MCC: variants seen among roughly 807,000 people sequenced by gnomAD.
MCC encodes MCC regulator of Wnt signaling pathway, also known as colorectal mutant cancer protein.
In MCC, 90 loss-of-function variants were observed where a neutral mutation model predicts 116.2. That is an observed-to-expected ratio of 0.77 (90% CI 0.65 to 0.92). The LOEUF is 0.92. Among genes scored for constraint, MCC ranks in the 40% least tolerant of loss-of-function variants. The probability of loss-of-function intolerance (pLI) is 0.00; values close to 1 mark genes in which losing one functional copy is unlikely to be tolerated. For synonymous variants in MCC, 578 were observed against 510.5 expected, an observed-to-expected ratio of 1.13 and a Z score of -1.78; for missense variants, 1,516 against 1,312.2, an observed-to-expected ratio of 1.16 and a Z score of -2.40.
At chr5:113,417,069 A>AAGT (rs1170628109) in intron 1 of MCC, among the ~76,000 whole-genome samples, 1 of 149,082 alleles carries the variant, frequency 6.7e-6, no homozygotes, top group Non-Finnish European at 1.5e-5. Context: ...TCCCAGGTTC[A>AAGT]AGTGATTCCC....
intron 1 of MCC, among the ~76,000 whole-genome samples, chr5:113,402,829 A>G (rs1450387558): frequency 2.6e-5 from 4 of 152,074 alleles, no homozygotes; most frequent in Non-Finnish European, 5.9e-5. Flanking sequence ...TTACATGAAG[A>G]TATCGTCCAG....
At chr5:113,452,104 T>C (rs1017684333) in intron 1 of MCC, among the ~76,000 whole-genome samples, 3 of 152,198 alleles carry the variant, frequency 2.0e-5, no homozygotes, top group African/African-American at 7.2e-5. Context: ...AGACTTAATA[T>C]GACTGGGGCT....
chr5:113,213,686 A>G (rs1470094755), intron 3 of MCC, among the ~76,000 whole-genome samples: 1 of 152,194 alleles, frequency 6.6e-6, no homozygotes, highest in Non-Finnish European at 1.5e-5. Flanking sequence ...TGGTGGGCAC[A>G]GTAGCTCTAC....
At chr5:113,046,753 C>T (rs1042627847) in intron 16 of MCC, among the ~76,000 whole-genome samples, 4 of 146,350 alleles carry the variant, frequency 2.7e-5, no homozygotes, top group Non-Finnish European at 6.0e-5. Flanking sequence ...CTCATCTTCC[C>T]GAGCCCCAGA....
intron 3 of MCC, among the ~76,000 whole-genome samples, chr5:113,179,800 G>T (rs2150308338): frequency 6.6e-6 from 1 of 152,272 alleles, no homozygotes; most frequent in East Asian, 1.9e-4. Context: ...TTAGAGCCAA[G>T]GCCTGCCGTG....
intron 17 of MCC, among the ~76,000 whole-genome samples, chr5:113,037,920 C>T (rs1415716572): frequency 1.3e-5 from 2 of 152,164 alleles, no homozygotes; most frequent in African/African-American, 2.4e-5. Flanking sequence ...TAGGGACCTA[C>T]GGACAATCTT....
chr5:113,086,488 T>C (rs1755209242), intron 8 of MCC, among the ~76,000 whole-genome samples: 1 of 152,186 alleles, frequency 6.6e-6, no homozygotes. Context: ...GAATAGTAGG[T>C]AGGAACGTCT....
intron 3 of MCC, among the ~76,000 whole-genome samples, chr5:113,189,901 CAGG>C (rs1156578724): frequency 1.3e-5 from 2 of 152,164 alleles, no homozygotes; most frequent in Non-Finnish European, 2.9e-5. Flanking sequence ...AACATTCCTG[CAGG>C]AGAAGATCCA....
intron 2 of MCC, among the ~76,000 whole-genome samples, chr5:113,380,460 C>A (rs1769089830): frequency 6.6e-6 from 1 of 152,228 alleles, no homozygotes; most frequent in South Asian, 2.1e-4. Context: ...CTGTGCACTG[C>A]ACTTCCCTGT....
chr5:113,306,718 T>A (rs1419249177), intron 3 of MCC, among the ~76,000 whole-genome samples: 1 of 152,180 alleles, frequency 6.6e-6, no homozygotes, highest in East Asian at 1.9e-4. Context: ...AAATTTTAAT[T>A]TAATGAAGTC....
At chr5:113,266,316 C>A (rs923276275) in intron 3 of MCC, among the ~76,000 whole-genome samples, 1 of 151,948 alleles carries the variant, frequency 6.6e-6, no homozygotes, top group African/African-American at 2.4e-5. Flanking sequence ...AAAATTCAGA[C>A]TAGATATTCA....
intron 18 of MCC, 145 bp from the exon 19 acceptor site, chr5:113,027,627 T>TG: frequency 1.3e-6 from 1 of 785,750 alleles, no homozygotes; most frequent in African/African-American, 1.7e-5. Context: ...TGAAATCTAG[T>TG]GGTCAGAGGA....
At chr5:113,142,146 T>A (rs2150285147) in intron 5 of MCC, among the ~76,000 whole-genome samples, 1 of 147,156 alleles carries the variant, frequency 6.8e-6, no homozygotes, top group South Asian at 2.1e-4. Flanking sequence ...AGTAGCCTCA[T>A]CAAGAAGCCC....
chr5:113,048,523 AG>A, intron 16 of MCC: 1 of 153,060 alleles, frequency 6.5e-6, no homozygotes, highest in South Asian at 2.1e-4. Flanking sequence ...ATGTAATAAA[AG>A]CCCCAAAGTG....
Position 113,406,754 on chromosome 5 carries a change from G to A in MCC, c.171-21542C>T, listed in dbSNP as rs912221907. On this transcript the variant is annotated intron_variant, in intron 1 of 18. Transcript: ENST00000408903. ...TACATTTGAGACTTTAAAGTTACAC[G>A]CACCTTACAAAGAGAATTTAGAGTC... 4.6e-5 allele frequency among the ~76,000 whole-genome samples: 7 copies of A among 152,212 alleles called. No individual in the cohort carries two copies. The East Asian group carries it at 7.7e-4, about 17-fold the overall frequency.
chr5:113,105,244 C>G (rs933197002), intron 6 of MCC, among the ~76,000 whole-genome samples: 1 of 152,222 alleles, frequency 6.6e-6, no homozygotes, highest in Non-Finnish European at 1.5e-5. Flanking sequence ...CCTAACCCTG[C>G]ATGAAAATTG....
At chr5:113,431,135 A>C (rs1282503343) in intron 1 of MCC, among the ~76,000 whole-genome samples, 1 of 152,108 alleles carries the variant, frequency 6.6e-6, no homozygotes. Context: ...TGAGGTAGTG[A>C]AAGGATTGGA....
At chr5:113,448,920 G>C (rs1051766781) in intron 1 of MCC, among the ~76,000 whole-genome samples, 1 of 152,178 alleles carries the variant, frequency 6.6e-6, no homozygotes, top group Non-Finnish European at 1.5e-5. Context: ...CAGTAAAGAA[G>C]GTTTGAAATG....
chr5:113,341,782 T>C (rs1419676878), intron 2 of MCC, among the ~76,000 whole-genome samples: 1 of 152,222 alleles, frequency 6.6e-6, no homozygotes, highest in Non-Finnish European at 1.5e-5. Flanking sequence ...AAGAGGTGTC[T>C]GCTCATCCTA....
Sources: allele counts gnomAD v4.1 joint callset (sites outside exome capture counted in the v4.1 genomes callset), GRCh38; gene constraint gnomAD v4.1.1; transcripts MANE v1.5; gene names NCBI Gene and HGNC (gene_info 2026-07-23, HGNC 2026-07-21).